Variants in TTBK1 observed in about 807,000 individuals in gnomAD.
TTBK1 encodes tau tubulin kinase 1, also known as tau-tubulin kinase 1.
TTBK1 carries 34 observed loss-of-function variants against 108.5 expected under a neutral mutation model. The ratio of observed to expected loss-of-function variants is 0.31; its 90% CI spans 0.24 to 0.42. The LOEUF (loss-of-function observed/expected upper bound fraction) is 0.42. Ranked by LOEUF, TTBK1 falls within the 10% of genes least tolerant of loss-of-function variation. The pLI is 1.00. For missense variants in TTBK1, 1,539 were observed against 1,826.0 expected, an observed-to-expected ratio of 0.84 and a Z score of 2.86; for synonymous variants, 809 against 795.1, an observed-to-expected ratio of 1.02 and a Z score of -0.29.
intron 13 of TTBK1, among the ~76,000 whole-genome samples, chr6:43,281,203 G>A (rs574767988): frequency 7.2e-5 from 11 of 151,774 alleles, no homozygotes; most frequent in Admixed American, 2.0e-4. Flanking sequence ...GCGAAACCCC[G>A]TCTCTACTAA....
chr6:43,287,291 G>A lies in TTBK1; in HGVS notation c.*1915G>A, dbSNP rs1277762865. On this transcript the variant is annotated 3_prime_UTR_variant, in exon 15 of 15. Transcript: ENST00000259750. The surrounding 1 kb of genome is among the most constrained non-coding windows in gnomAD (Gnocchi z 4.1). Reference sequence around the variant, plus strand: ...ACTGCCTCCCACCTAGAGCTTCTCCGAATGACAATCAGCTCGTGCCAGGTG... The same window carrying A: ...ACTGCCTCCCACCTAGAGCTTCTCCAAATGACAATCAGCTCGTGCCAGGTG... 2 of 152,582 alleles carry A rather than the reference G, an allele frequency of 1.3e-5. No individual in the cohort carries two copies. Among genetic ancestry groups the A allele is most frequent in the African/African-American group, 2.4e-5 (1 of 41,410 alleles). The allele number at this position is 152,582 out of a possible 1,614,324, so 9.5% of individuals were successfully genotyped here.
intron 13 of TTBK1, chr6:43,272,561 TC>T: frequency 1.0e-6 from 1 of 985,386 alleles, no homozygotes; most frequent in South Asian, 4.7e-5. Context: ...TAGGGGGACA[TC>T]CTTTTGTATA....
At position 43,276,365 on chromosome 6, in the gene TTBK1, C is replaced by T. The variant is rs1777999915; in HGVS notation, c.1987-6362C>T. Among the ~76,000 whole-genome samples, 1 of 152,104 alleles carries T rather than the reference C, an allele frequency of 6.6e-6. No homozygotes were observed. The highest frequency in any genetic ancestry group is 1.5e-5 in the Non-Finnish European group (1 of 68,012). On this transcript the variant is annotated intron_variant, in intron 13 of 14. Coordinates refer to ENST00000259750, the MANE Select transcript of TTBK1 (RefSeq NM_032538.3). The surrounding 1 kb of genome is among the most constrained non-coding windows in gnomAD (Gnocchi z 5.4). ...TCCTCCTTAGTGTACATAGCGGCGT[C>T]GGGGGGTGGCCCCAGGCCCGGGTAG...
rs1777661217 is a variant in TTBK1 at position 43,265,793 on chromosome 6, G to A, written c.1986+2443G>A. On this transcript the variant is annotated intron_variant, in intron 13 of 14. Transcript: ENST00000259750. This position sits in a 1 kb window ranked among gnomAD's most constrained non-coding sequence, Gnocchi z 4.1. ...CGAGAATTAAAGTCAGGAGACTGAG[G>A]TCTGGACCTGGCTCTGCCGTTCCCT... Among the ~76,000 whole-genome samples, 1 of 152,306 alleles carries A rather than the reference G, an allele frequency of 6.6e-6. No individual in the cohort carries two copies. The highest frequency in any genetic ancestry group is 1.9e-4 in the East Asian group (1 of 5,178).
At chr6:43,274,107 G>A (rs1372726052) in intron 13 of TTBK1, among the ~76,000 whole-genome samples, 1 of 152,152 alleles carries the variant, frequency 6.6e-6, no homozygotes, top group Non-Finnish European at 1.5e-5. Context: ...TGAGGACCCT[G>A]GGTCCGTGAC....
In TTBK1 at chr6:43,262,936, C is replaced by T; in HGVS notation, c.1572C>T (p.Ser524=). 2 of 1,614,048 alleles carry T rather than the reference C, an allele frequency of 1.2e-6. No homozygotes were observed. The highest frequency in any genetic ancestry group is 1.1e-5 in the South Asian group (1 of 91,056). ...CCTCTGTGGAGCAGGAGGCCCTGAG[C>T]AACGCCTTCCGCTCGGTGCCGCTGG... ...VSASVEQEAL[S]NAFRSVPLAE... is the part of the protein sequence containing the mutation. The change falls in exon 13 of 15, where the codon AGC becomes AGT. Residue 524 remains serine (S), a synonymous_variant. Transcript: ENST00000259750.
At chr6:43,267,130 G>C (rs1314915359) in intron 13 of TTBK1, among the ~76,000 whole-genome samples, 1 of 152,092 alleles carries the variant, frequency 6.6e-6, no homozygotes, top group African/African-American at 2.4e-5. Flanking sequence ...GCCTCTGTGT[G>C]TGTCTCTGGA....
rs928866961 is a variant in TTBK1, at chr6:43,265,727, G to A, written c.1986+2377G>A. On this transcript the variant is annotated intron_variant, in intron 13 of 14. Coordinates refer to ENST00000259750, the MANE Select transcript of TTBK1 (RefSeq NM_032538.3). The surrounding 1 kb of genome is among the most constrained non-coding windows in gnomAD (Gnocchi z 4.1). Reference sequence around the variant, plus strand: ...ACAATAGGTTGTACCCGTAGGAAGTGCAGAGTCTAGGGAGGGTGACAGACA... The same window carrying A: ...ACAATAGGTTGTACCCGTAGGAAGTACAGAGTCTAGGGAGGGTGACAGACA... Among the ~76,000 whole-genome samples, 4 of 152,204 alleles carry A rather than the reference G, an allele frequency of 2.6e-5. No homozygotes were observed. Among genetic ancestry groups the A allele is most frequent in the African/African-American group, 4.8e-5 (2 of 41,444 alleles).
In TTBK1 at chr6:43,269,888, G is replaced by C. The variant is rs1777779966; in HGVS notation, c.1986+6538G>C. ...CTGGCAACCACAGACTCATGCCCTC[G>C]GTGCTCCGCATCTCGCGGTCCCAGC... On this transcript the variant is annotated intron_variant, in intron 13 of 14. Coordinates refer to ENST00000259750, the MANE Select transcript of TTBK1 (RefSeq NM_032538.3). This position sits in a 1 kb window ranked among gnomAD's most constrained non-coding sequence, Gnocchi z 4.8. 2.0e-6 allele frequency: 3 copies of C among 1,518,970 alleles called. No individual in the cohort carries two copies. Among genetic ancestry groups the C allele is most frequent in the Non-Finnish European group, 2.6e-6 (3 of 1,137,192 alleles). 94.1% of individuals were successfully genotyped at this position (1,518,970 alleles called of 1,614,324 possible). A position where few individuals can be genotyped will look rare whatever the true frequency, so the allele number is the denominator to read the frequency against.
At chr6:43,268,421 C>T (rs1463363999) in intron 13 of TTBK1, among the ~76,000 whole-genome samples, 1 of 152,216 alleles carries the variant, frequency 6.6e-6, no homozygotes, top group South Asian at 2.1e-4. Flanking sequence ...TGTTCTCCCT[C>T]TTCCCTACTC....
Position 43,269,763 on chromosome 6 carries a change from G to A in TTBK1, c.1986+6413G>A. 6.3e-7 allele frequency: 1 copy of A among 1,598,816 alleles called. No homozygotes were observed. The highest frequency in any genetic ancestry group is 8.5e-7 in the Non-Finnish European group (1 of 1,176,462). ...GGAGCATTACCCTCACCCCGGCGGCGGCGGCTCCTCGGGCTCCTCCGGTTC... is the reference window on the plus strand; with the variant it reads ...GGAGCATTACCCTCACCCCGGCGGCAGCGGCTCCTCGGGCTCCTCCGGTTC... On this transcript the variant is annotated intron_variant, in intron 13 of 14. Transcript: ENST00000259750. The surrounding 1 kb of genome is among the most constrained non-coding windows in gnomAD (Gnocchi z 4.8).
At position 43,269,677 on chromosome 6, in the gene TTBK1, C is replaced by T. The variant is rs1777772684; in HGVS notation, c.1986+6327C>T. The T allele has an allele frequency of 6.2e-7, 1 of 1,611,314 alleles. No homozygotes were observed. Among genetic ancestry groups the T allele is most frequent in the Non-Finnish European group, 8.5e-7 (1 of 1,179,504 alleles). On this transcript the variant is annotated intron_variant, in intron 13 of 14. Coordinates refer to ENST00000259750, the MANE Select transcript of TTBK1 (RefSeq NM_032538.3). This position sits in a 1 kb window ranked among gnomAD's most constrained non-coding sequence, Gnocchi z 4.8. ...GACAGACTCTCGGGGCACTCCCTCC[C>T]GCGGTACAGCCCCCTGCGACGACTG...
At chr6:43,252,984 C>T (rs1417654215) in intron 3 of TTBK1, 98 bp downstream of exon 3, 18 of 1,444,168 alleles carry the variant, frequency 1.2e-5, no homozygotes, top group East Asian at 2.3e-5. Context: ...GAGGAGATGT[C>T]GTGTGGTAGA....
In TTBK1 at chr6:43,273,998, A is replaced by C. The variant is rs1777898112; in HGVS notation, c.1987-8729A>C. Among the ~76,000 whole-genome samples, 1 of 152,118 alleles carries C rather than the reference A, an allele frequency of 6.6e-6. No homozygotes were observed. On this transcript the variant is annotated intron_variant, in intron 13 of 14. Coordinates refer to ENST00000259750, the MANE Select transcript of TTBK1 (RefSeq NM_032538.3). The surrounding 1 kb of genome is among the most constrained non-coding windows in gnomAD (Gnocchi z 4.2). ...TGCTGTGTTTATACATGTGGTGTGC[A>C]TAAGTGCCTGAATGAGTGTGGGGGC...
chr6:43,256,051 T>C (rs1215604858), intron 9 of TTBK1, among the ~76,000 whole-genome samples, 195 bp downstream of exon 9: 1 of 152,186 alleles, frequency 6.6e-6, no homozygotes, highest in Admixed American at 6.5e-5. Flanking sequence ...GAGCTTACCC[T>C]GTTCTCAGTG....
chr6:43,277,571 G>C (rs1305229075), intron 13 of TTBK1, among the ~76,000 whole-genome samples: 1 of 152,234 alleles, frequency 6.6e-6, no homozygotes, highest in Non-Finnish European at 1.5e-5. Context: ...GTGGGTTTTG[G>C]ACACAGAGAT....
At chr6:43,258,670 G>T (rs745459845) in intron 10 of TTBK1, among the ~76,000 whole-genome samples, 4 of 152,140 alleles carry the variant, frequency 2.6e-5, no homozygotes, top group Non-Finnish European at 5.9e-5. Flanking sequence ...AATAATAAAA[G>T]AAAACTAAAT....
Position 43,259,573 on chromosome 6 carries a change from C to T in TTBK1, c.1291C>T (p.Pro431Ser). The change falls in exon 12 of 15, where the codon CCC (proline) becomes TCC (serine). Residue 431 changes from proline (P) to serine (S), a missense_variant. Around this residue, in one of 5 missense-constraint regions of TTBK1, gnomAD observed 277 missense variants for 332.4 expected, o/e 0.83. Transcript: ENST00000259750. The surrounding 1 kb of genome is among the most constrained non-coding windows in gnomAD (Gnocchi z 6.7). ...EEEQSRGMGV[P>S]SSPVRAPPDS... ...GGAACAGAGCCGAGGCATGGGGGTC[C>T]CCAGCTCCCCAGTGCGTGCCCCCCC... 7 of 1,606,268 alleles carry T rather than the reference C, an allele frequency of 4.4e-6. No individual in the cohort carries two copies. The highest frequency in any genetic ancestry group is 5.9e-6 in the Non-Finnish European group (7 of 1,176,562).
intron 13 of TTBK1, among the ~76,000 whole-genome samples, chr6:43,277,045 C>T (rs1476181111): frequency 3.3e-5 from 5 of 152,196 alleles, no homozygotes; most frequent in African/African-American, 1.2e-4. Context: ...CCACCAGGCC[C>T]AGTGATCAGT....
Sources: gnomAD v4.1 joint callset for allele counts (sites outside exome capture counted in the v4.1 genomes callset) on GRCh38, gnomAD v4.1.1 for gene constraint, gnomAD v4.1.1 regional missense constraint, Gnocchi (gnomAD v3.1) non-coding constraint, MANE v1.5 for transcripts, NCBI Gene and HGNC (gene_info 2026-07-23, HGNC 2026-07-21) for gene names.